Variants in UQCC1 observed in about 807,000 individuals in gnomAD.
UQCC1 encodes the protein ubiquinol-cytochrome c reductase complex assembly factor 1.
UQCC1 carries 38 observed loss-of-function variants against 48.0 expected under a neutral mutation model. The observed-to-expected ratio is 0.79, with a 90% CI of 0.61 to 1.04. UQCC1 has a LOEUF of 1.04. UQCC1 is among the 50% of genes least tolerant of loss of function. The probability of loss-of-function intolerance (pLI) is 0.00; values close to 1 mark genes in which losing one functional copy is unlikely to be tolerated. For synonymous variants in UQCC1, 111 were observed against 129.2 expected (o/e 0.86, Z 0.95); for missense variants, 368 against 381.8 (o/e 0.96, Z 0.30).
chr20:35,366,808 A>G (rs188681583), intron 5 of UQCC1, among the ~76,000 whole-genome samples, 194 bp from the exon 6 acceptor site: 18 of 152,236 alleles, frequency 1.2e-4, no homozygotes, highest in Non-Finnish European at 2.4e-4. Context: ...AAAAGAAAAA[A>G]AAAGGATGGA....
intron 7 of UQCC1, among the ~76,000 whole-genome samples, chr20:35,319,322 AGCATGTCACAG>A (rs1172944337): frequency 6.6e-6 from 1 of 152,196 alleles, no homozygotes; most frequent in Non-Finnish European, 1.5e-5. Context: ...CTGCTTTCCC[AGCATGTCACAG>A]GGAGGGAGCA....
intron 8 of UQCC1, among the ~76,000 whole-genome samples, chr20:35,311,986 G>A (rs1488785059): frequency 6.6e-6 from 1 of 152,140 alleles, no homozygotes; most frequent in Admixed American, 6.5e-5. Context: ...GGCACAGTTG[G>A]GTAAAATGGC....
chr20:35,314,341 C>T (rs1011855143), intron 8 of UQCC1, among the ~76,000 whole-genome samples: 1 of 151,886 alleles, frequency 6.6e-6, no homozygotes, highest in Non-Finnish European at 1.5e-5. Context: ...GCAGACCATG[C>T]TGTTTACGTG....
chr20:35,337,193 T>C (rs913112497), intron 7 of UQCC1, among the ~76,000 whole-genome samples: 13 of 143,432 alleles, frequency 9.1e-5, no homozygotes, highest in African/African-American at 3.5e-4. Flanking sequence ...CTAGCATTCT[T>C]TTTTTTTTTT....
chr20:35,352,831 C>A (rs952277883), intron 6 of UQCC1, among the ~76,000 whole-genome samples: 1 of 152,088 alleles, frequency 6.6e-6, no homozygotes, highest in Non-Finnish European at 1.5e-5. Context: ...TACGGGTGCA[C>A]GCCACTGAGC....
At chr20:35,337,571 T>C (rs904899324) in intron 7 of UQCC1, among the ~76,000 whole-genome samples, 1 of 152,190 alleles carries the variant, frequency 6.6e-6, no homozygotes, top group East Asian at 1.9e-4. Flanking sequence ...GATCAGATTA[T>C]TTCAGGGTTC....
At chr20:35,401,458 A>C (rs2146533769) in intron 1 of UQCC1, among the ~76,000 whole-genome samples, 1 of 152,296 alleles carries the variant, frequency 6.6e-6, no homozygotes, top group South Asian at 2.1e-4. Flanking sequence ...TGAAACAAGA[A>C]GGCGGAATGT....
At chr20:35,324,137 T>C (rs931658051) in intron 7 of UQCC1, among the ~76,000 whole-genome samples, 7 of 152,260 alleles carry the variant, frequency 4.6e-5, no homozygotes, top group Non-Finnish European at 8.8e-5. Flanking sequence ...CCAAAGAGAC[T>C]ATACATAAGT....
intron 1 of UQCC1, among the ~76,000 whole-genome samples, chr20:35,399,868 A>AG (rs1382072068): frequency 6.7e-6 from 1 of 150,164 alleles, no homozygotes; most frequent in Non-Finnish European, 1.5e-5. Context: ...AAAAAAAAAA[A>AG]AAAGAAAAGA....
At chr20:35,385,747 T>C (rs1600995008) in intron 2 of UQCC1, among the ~76,000 whole-genome samples, 1 of 152,204 alleles carries the variant, frequency 6.6e-6, no homozygotes. Flanking sequence ...GTGAGTGATC[T>C]TCCTGCCTTG....
chr20:35,391,264 G>A (rs1387480828), intron 2 of UQCC1, among the ~76,000 whole-genome samples: 1 of 151,934 alleles, frequency 6.6e-6, no homozygotes, highest in African/African-American at 2.4e-5. Flanking sequence ...CTCAAATTGA[G>A]AAACATTCTA....
intron 7 of UQCC1, among the ~76,000 whole-genome samples, chr20:35,322,816 C>T (rs955539381): frequency 5.9e-5 from 9 of 152,100 alleles, no homozygotes; most frequent in African/African-American, 2.2e-4. Context: ...AGTGCTGGGA[C>T]TTTTAACTCA....
At chr20:35,323,243 C>T (rs2061152259) in intron 7 of UQCC1, among the ~76,000 whole-genome samples, 1 of 152,202 alleles carries the variant, frequency 6.6e-6, no homozygotes, top group Non-Finnish European at 1.5e-5. Context: ...TAAAATTGCT[C>T]ATTTCTGCAC....
At chr20:35,352,691 G>C (rs1568675822) in intron 6 of UQCC1, among the ~76,000 whole-genome samples, 1 of 101,260 alleles carries the variant, frequency 9.9e-6, no homozygotes, top group African/African-American at 2.9e-5. Context: ...TTTGGTTTTT[G>C]TTTTTTTCAG....
At chr20:35,355,402 C>T (rs959840909) in intron 6 of UQCC1, among the ~76,000 whole-genome samples, 1 of 152,194 alleles carries the variant, frequency 6.6e-6, no homozygotes, top group Non-Finnish European at 1.5e-5. Context: ...GTACAACATT[C>T]AGCTAATTAA....
chr20:35,348,364 T>A lies in UQCC1; in HGVS notation c.465-1092A>T, dbSNP rs976899565. Among the ~76,000 whole-genome samples, 28 of 140,206 alleles carry A rather than the reference T, an allele frequency of 2.0e-4. 1 individual carries two copies. Among genetic ancestry groups the A allele is most frequent in the African/African-American group, 6.9e-4 (27 of 39,250 alleles). 92.0% of individuals were successfully genotyped at this position (140,206 alleles called of 152,430 possible). On this transcript the variant is annotated intron_variant, in intron 6 of 9. Coordinates refer to ENST00000374385, the MANE Select transcript of UQCC1 (RefSeq NM_018244.5). ...TCCTCATTTCATGCATGACCATAGTTCATTCTTTTTTGTTTTGTTTTGTTT... is the reference window on the plus strand; with the variant it reads ...TCCTCATTTCATGCATGACCATAGTACATTCTTTTTTGTTTTGTTTTGTTT...
chr20:35,332,753 C>A (rs555494310), intron 7 of UQCC1, among the ~76,000 whole-genome samples: 1 of 152,330 alleles, frequency 6.6e-6, no homozygotes, highest in Non-Finnish European at 1.5e-5. Flanking sequence ...TTTAAGCCCA[C>A]AGGACATAAG....
rs1227856310 is a variant in UQCC1 at position 35,366,567 on chromosome 20, G to A, written c.454C>T (p.Leu152Phe). 6.2e-6 allele frequency: 10 copies of A among 1,613,754 alleles called. No individual in the cohort carries two copies. The Admixed American group carries it at 8.3e-5, about 13-fold the overall frequency. The change falls in exon 6 of 10, where the codon CTC becomes TTC. Residue 152 changes from leucine to phenylalanine, a missense_variant. Leu to Phe is a conservative substitution (Grantham distance 22). Coordinates refer to ENST00000374385, the MANE Select transcript of UQCC1 (RefSeq NM_018244.5). ...TFNSWFLITL[L>F]HVWMCLVRMK... Reference sequence around the variant, plus strand: ...AAATTGCTCACTTACCAGACGTGGAGTAGGGTTATAAGAAACCATGAATTG... The same window carrying A: ...AAATTGCTCACTTACCAGACGTGGAATAGGGTTATAAGAAACCATGAATTG...
At chr20:35,384,627 G>A (rs1366517450) in intron 2 of UQCC1, 1 of 436,376 alleles carries the variant, frequency 2.3e-6, no homozygotes, top group East Asian at 7.4e-5. Context: ...GGGCGACTCA[G>A]CAAGAGCAAG....
Sources: allele counts gnomAD v4.1 joint callset (sites outside exome capture counted in the v4.1 genomes callset), GRCh38; gene constraint gnomAD v4.1.1; transcripts MANE v1.5; gene names NCBI Gene and HGNC (gene_info 2026-07-23, HGNC 2026-07-21).